The following ITPRIP variants were observed in gnomAD, a reference collection of about 807,000 sequenced individuals.
The protein encoded by ITPRIP is inositol 1,4,5-trisphosphate receptor interacting protein, also known as inositol 1,4,5-trisphosphate receptor-interacting protein.
Under a neutral mutation model 35.8 loss-of-function variants are expected in ITPRIP, and 32 were observed. That is an observed-to-expected ratio of 0.89 (90% CI 0.68 to 1.20). The LOEUF is 1.20. Ranked by LOEUF, ITPRIP falls within the 50% of genes most tolerant of loss-of-function variation. The pLI is 0.00. For synonymous variants in ITPRIP, 358 were observed against 324.0 expected, an observed-to-expected ratio of 1.11 and a Z score of -1.13; for missense variants, 653 against 735.6, an observed-to-expected ratio of 0.89 and a Z score of 1.30.
Position 104,315,021 on chromosome 10 carries a change from A to G in ITPRIP, c.1031T>C (p.Met344Thr). Residue 344 changes from methionine to threonine, a missense_variant, in exon 2 of 2, where the codon ATG (methionine) becomes ACG (threonine). Met to Thr is a moderately conservative substitution (Grantham distance 81). Coordinates refer to ENST00000337478, the MANE Select transcript of ITPRIP (RefSeq NM_001272013.2). The surrounding 1 kb of genome is among the most constrained non-coding windows in gnomAD (Gnocchi z 5.7). ...GATCACAGGAATCAGGTTGAAGGGC[A>G]TGAACTTCCCTGAACGGAACTTGAT... ...LKIKFRSGKF[M>T]PFNLIPVIQC... The G allele has an allele frequency of 6.2e-7, 1 of 1,614,156 alleles. No homozygotes were observed. Among genetic ancestry groups the G allele is most frequent in the Non-Finnish European group, 8.5e-7 (1 of 1,180,034 alleles).
At chr10:104,324,648 C>A (rs2013943148) in intron 1 of ITPRIP, among the ~76,000 whole-genome samples, 1 of 152,100 alleles carries the variant, frequency 6.6e-6, no homozygotes, top group African/African-American at 2.4e-5. Flanking sequence ...TCTCTCCAGA[C>A]ACCTGTCTCG....
Position 104,328,366 on chromosome 10 carries a change from C to T in ITPRIP, c.-14+9880G>A, listed in dbSNP as rs2014076247. 1.2e-6 allele frequency: 1 copy of T among 852,418 alleles called. No individual in the cohort carries two copies. Among genetic ancestry groups the T allele is most frequent in the Non-Finnish European group, 1.4e-6 (1 of 708,862 alleles). 52.8% of individuals were successfully genotyped at this position (852,418 alleles called of 1,614,324 possible). A position where few individuals can be genotyped will look rare whatever the true frequency, so the allele number is the denominator to read the frequency against. ...CATGAATACCCACCTTGGGGCAGGA[C>T]ATGCCAGAGTTCCCAAGAGTCGTCC... On this transcript the variant is annotated intron_variant, in intron 1 of 1. Coordinates refer to ENST00000337478, the MANE Select transcript of ITPRIP (RefSeq NM_001272013.2). This position sits in a 1 kb window ranked among gnomAD's most constrained non-coding sequence, Gnocchi z 4.1.
At position 104,314,441 on chromosome 10, in the gene ITPRIP, A is replaced by G. The variant is rs1312491248; in HGVS notation, c.1611T>C (p.His537=). Residue 537 remains histidine, a synonymous_variant, in exon 2 of 2, where the codon CAT becomes CAC. Transcript: ENST00000337478. ...APALISEYSL[H]VPSDQPTPKS ...TTGGGGTAGGCTGGTCTGAGGGGAC[A>G]TGTAGGGAATACTCGCTAATGAGCG... The G allele has an allele frequency of 6.2e-7, 1 of 1,613,682 alleles. No homozygotes were observed. The highest frequency in any genetic ancestry group is 1.7e-5 in the Admixed American group (1 of 60,006).
intron 1 of ITPRIP, among the ~76,000 whole-genome samples, chr10:104,332,873 C>T (rs56364529): frequency 4.1e-4 from 63 of 152,352 alleles, no homozygotes; most frequent in African/African-American, 1.4e-3. Flanking sequence ...TCCAGTTGGT[C>T]CTGCCTCTTG....
At chr10:104,337,408 T>G (rs2014258862) in intron 1 of ITPRIP, among the ~76,000 whole-genome samples, 1 of 152,214 alleles carries the variant, frequency 6.6e-6, no homozygotes, top group South Asian at 2.1e-4. Context: ...GGTGCTTTTC[T>G]CATACCAGCA....
At position 104,314,887 on chromosome 10, in the gene ITPRIP, G is replaced by A. The variant is rs138445841; in HGVS notation, c.1165C>T (p.Arg389Ter). 26 of 1,613,552 alleles carry A rather than the reference G, an allele frequency of 1.6e-5. No homozygotes were observed. The highest frequency in any genetic ancestry group is 4.4e-5 in the South Asian group (4 of 91,084). The change falls in exon 2 of 2, where the codon CGA (arginine) becomes TGA (stop). Residue 389 changes from arginine (R) to a stop codon, truncating the protein, a stop_gained. Transcript: ENST00000337478. LOFTEE classifies it high-confidence loss of function. ...TTTAGTGTCGTCCTGAGGAAGTGTC[G>A]CTCATAGACAGCAAAGGACAGGAGC... ...DWLLSFAVYE[R>*]HFLRTTLKAL...
intron 1 of ITPRIP, among the ~76,000 whole-genome samples, chr10:104,329,157 A>G (rs2014098501): frequency 6.6e-6 from 1 of 152,088 alleles, no homozygotes; most frequent in Admixed American, 6.6e-5. Flanking sequence ...AGACACAAAG[A>G]CAAAGGGGAG....
Position 104,315,400 on chromosome 10 carries a change from C to T in ITPRIP, c.652G>A (p.Glu218Lys), listed in dbSNP as rs149202873. 17 of 1,579,276 alleles carry T rather than the reference C, an allele frequency of 1.1e-5. No individual in the cohort carries two copies. Among genetic ancestry groups the T allele is most frequent in the African/African-American group, 4.0e-5 (3 of 74,450 alleles). The part of the protein sequence containing the change: ...CHLFVPFTPP[E>K]PYRFHPELWC... Reference sequence around the variant, plus strand: ...AGCTCTGGGTGGAAGCGGTAGGGCTCGGGGGGTGTGAAGGGCACGAAAAGG... The same window carrying T: ...AGCTCTGGGTGGAAGCGGTAGGGCTTGGGGGGTGTGAAGGGCACGAAAAGG... The change falls in exon 2 of 2, where the codon GAG becomes AAG. Residue 218 changes from glutamate to lysine, a missense_variant. Physicochemically the swap from Glu to Lys is moderately conservative, Grantham distance 56. Transcript: ENST00000337478. The surrounding 1 kb of genome is among the most constrained non-coding windows in gnomAD (Gnocchi z 5.7).
At chr10:104,336,499 G>C (rs528925382) in intron 1 of ITPRIP, among the ~76,000 whole-genome samples, 9 of 151,246 alleles carry the variant, frequency 6.0e-5, no homozygotes, top group East Asian at 3.9e-4. Context: ...TTTTTTGGGG[G>C]GGGGGGGGCA....
intron 1 of ITPRIP, among the ~76,000 whole-genome samples, chr10:104,323,040 AT>A (rs1026229681): frequency 6.6e-6 from 1 of 152,190 alleles, no homozygotes; most frequent in African/African-American, 2.4e-5. Context: ...ATAGAGTTGA[AT>A]TTAGGTTTCT....
chr10:104,336,217 A>G (rs1245963493), intron 1 of ITPRIP, among the ~76,000 whole-genome samples: 1 of 152,178 alleles, frequency 6.6e-6, no homozygotes, highest in African/African-American at 2.4e-5. Flanking sequence ...CCTGGAGGTT[A>G]TCATGAACAG....
At position 104,312,926 on chromosome 10, in the gene ITPRIP, G is replaced by A; in HGVS notation, c.*1482C>T. On this transcript the variant is annotated 3_prime_UTR_variant, in exon 2 of 2. Coordinates refer to ENST00000337478, the MANE Select transcript of ITPRIP (RefSeq NM_001272013.2). Reference sequence around the variant, plus strand: ...GCAAGGGTAACTGAAGTAACGGTGAGATAGGAAATCTCAAAGGGCCAGTGA... The same window carrying A: ...GCAAGGGTAACTGAAGTAACGGTGAAATAGGAAATCTCAAAGGGCCAGTGA... The A allele has an allele frequency of 1.0e-6, 1 of 985,464 alleles. No individual in the cohort carries two copies. Among genetic ancestry groups the A allele is most frequent in the African/African-American group, 1.7e-5 (1 of 57,356 alleles). 61.0% of individuals were successfully genotyped at this position (985,464 alleles called of 1,614,324 possible).
intron 1 of ITPRIP, among the ~76,000 whole-genome samples, chr10:104,329,295 C>T (rs551200212): frequency 6.6e-6 from 1 of 152,286 alleles, no homozygotes; most frequent in East Asian, 1.9e-4. Context: ...AACCAGTCCT[C>T]CTCCTCTCTG....
In ITPRIP at chr10:104,310,670, G is replaced by C. The variant is rs370463300; in HGVS notation, c.*3738C>G. The C allele has an allele frequency of 6.6e-6, 1 of 152,178 alleles. No homozygotes were observed. The highest frequency in any genetic ancestry group is 1.5e-5 in the Non-Finnish European group (1 of 68,036). The allele number at this position is 152,178 out of a possible 1,614,324, so 9.4% of individuals were successfully genotyped here. ...CATGGAACTGTGTGCATTAACAAAT[G>C]TGTGTGCGGAACGGTGCCTGCCATA... On this transcript the variant is annotated 3_prime_UTR_variant, in exon 2 of 2. Transcript: ENST00000337478.
In ITPRIP at chr10:104,315,648, G is replaced by A; in HGVS notation, c.404C>T (p.Thr135Ile). The change falls in exon 2 of 2, where the codon ACC (threonine) becomes ATC (isoleucine). Residue 135 changes from threonine (T) to isoleucine (I), a missense_variant. Physicochemically the swap from Thr to Ile is moderately conservative, Grantham distance 89. Coordinates refer to ENST00000337478, the MANE Select transcript of ITPRIP (RefSeq NM_001272013.2). The surrounding 1 kb of genome is among the most constrained non-coding windows in gnomAD (Gnocchi z 5.7). ...GLGGAPLQGL[T>I]LPNKATLGHF... ...GCCAAGCGTGGCCTTGTTGGGCAGG[G>A]TGAGGCCCTGCAAGGGGGCGCCCCC... 6.2e-7 allele frequency: 1 copy of A among 1,612,372 alleles called. No homozygotes were observed. Among genetic ancestry groups the A allele is most frequent in the South Asian group, 1.1e-5 (1 of 91,060 alleles).
rs1055329108 is a variant in ITPRIP, at chr10:104,310,556, A to C, written c.*3852T>G. ...CTGGGCTGTGCTACTTACCACTGTG[A>C]CAGTAGGTAAGTCAGTTGCCCCTTC... On this transcript the variant is annotated 3_prime_UTR_variant, in exon 2 of 2. Transcript: ENST00000337478. The C allele has an allele frequency of 6.6e-6, 1 of 152,174 alleles. No homozygotes were observed. The highest frequency in any genetic ancestry group is 2.4e-5 in the African/African-American group (1 of 41,418). 9.4% of individuals were successfully genotyped at this position (152,174 alleles called of 1,614,324 possible).
intron 1 of ITPRIP, among the ~76,000 whole-genome samples, chr10:104,332,275 G>A (rs2014165173): frequency 1.3e-5 from 2 of 151,854 alleles, no homozygotes; most frequent in Non-Finnish European, 2.9e-5. Flanking sequence ...TATCCATAAC[G>A]GTGGATTCTG....
intron 1 of ITPRIP, among the ~76,000 whole-genome samples, chr10:104,331,980 G>A (rs2014159127): frequency 6.6e-6 from 1 of 152,220 alleles, no homozygotes; most frequent in African/African-American, 2.4e-5. Flanking sequence ...ATCTGTATGT[G>A]TTCTGGGCTA....
Position 104,311,627 on chromosome 10 carries a change from G to C in ITPRIP, c.*2781C>G, listed in dbSNP as rs2013491960. The C allele has an allele frequency of 6.6e-6, 1 of 152,168 alleles. No individual in the cohort carries two copies. The highest frequency in any genetic ancestry group is 6.5e-5 in the Admixed American group (1 of 15,280). The allele number at this position is 152,168 out of a possible 1,614,324, so 9.4% of individuals were successfully genotyped here. On this transcript the variant is annotated 3_prime_UTR_variant, in exon 2 of 2. Transcript: ENST00000337478. Reference sequence around the variant, plus strand: ...CTTCCCCAACATAACCAGCCTCTTGGCCTAGGGGCCAACTCTATTCATTTC... The same window carrying C: ...CTTCCCCAACATAACCAGCCTCTTGCCCTAGGGGCCAACTCTATTCATTTC...
Sources: gnomAD v4.1 joint callset for allele counts (sites outside exome capture counted in the v4.1 genomes callset) on GRCh38, gnomAD v4.1.1 for gene constraint, Gnocchi (gnomAD v3.1) non-coding constraint, MANE v1.5 for transcripts, NCBI Gene and HGNC (gene_info 2026-07-23, HGNC 2026-07-21) for gene names.